Variants in NEDD9 observed in about 807,000 individuals in gnomAD.
NEDD9 encodes the protein neural precursor cell expressed, developmentally down-regulated 9, also known as enhancer of filamentation 1.
In NEDD9, 26 loss-of-function variants were observed where a neutral mutation model predicts 76.6. That is an observed-to-expected ratio of 0.34 (90% CI 0.25 to 0.47). The LOEUF (loss-of-function observed/expected upper bound fraction) is 0.47. Among genes scored for constraint, NEDD9 ranks in the 20% least tolerant of loss-of-function variants. The pLI is 1.00. For synonymous variants in NEDD9, 392 were observed against 414.2 expected (o/e 0.95, Z 0.65); for missense variants, 937 against 1,058.5 (o/e 0.89, Z 1.59).
At chr6:11,352,001 G>A (rs1409947309) in intron 1 of NEDD9, among the ~76,000 whole-genome samples, 2 of 152,218 alleles carry the variant, frequency 1.3e-5, no homozygotes, top group African/African-American at 4.8e-5. Context: ...TGGTCCACAG[G>A]TGCCAGCTTC....
chr6:11,344,285 T>G lies in NEDD9; in HGVS notation c.-213-9724A>C, dbSNP rs1463163097. 4.6e-5 allele frequency among the ~76,000 whole-genome samples: 7 copies of G among 152,172 alleles called. No individual in the cohort carries two copies. The South Asian group carries it at 6.2e-4, about 14-fold the overall frequency. On this transcript the variant is annotated intron_variant, in intron 1 of 3. Transcript: ENST00000397378. Reference sequence around the variant, plus strand: ...CACATAACATCAAATTCCAGAGAGTTAAAAAAATTCACCTGGTCCACTCTG... The same window carrying G: ...CACATAACATCAAATTCCAGAGAGTGAAAAAAATTCACCTGGTCCACTCTG...
At chr6:11,211,692 C>T (rs765960018) in intron 2 of NEDD9, among the ~76,000 whole-genome samples, 3 of 152,214 alleles carry the variant, frequency 2.0e-5, no homozygotes, top group Admixed American at 6.5e-5. Context: ...GCATCGTTGT[C>T]GTGGGCAGTA....
intron 3 of NEDD9, among the ~76,000 whole-genome samples, chr6:11,261,679 ACAAT>A (rs1302425467): frequency 1.3e-5 from 2 of 152,200 alleles, no homozygotes; most frequent in East Asian, 3.8e-4. Flanking sequence ...CTTTATGGGA[ACAAT>A]CAGAGAGATT....
intron 3 of NEDD9, among the ~76,000 whole-genome samples, chr6:11,272,730 G>A (rs761893031): frequency 1.3e-5 from 2 of 152,154 alleles, no homozygotes; most frequent in African/African-American, 2.4e-5. Flanking sequence ...AGCTGCAGAG[G>A]AGTCTCCAAG....
chr6:11,224,964 C>T (rs1759261611), intron 1 of NEDD9, among the ~76,000 whole-genome samples: 1 of 152,200 alleles, frequency 6.6e-6, no homozygotes, highest in Admixed American at 6.5e-5. Flanking sequence ...CTAGGAAAAA[C>T]ATGAATGACA....
chr6:11,302,236 A>G (rs1285695739), intron 3 of NEDD9, among the ~76,000 whole-genome samples: 1 of 152,224 alleles, frequency 6.6e-6, no homozygotes, highest in Non-Finnish European at 1.5e-5. Context: ...TACTATAAAC[A>G]CCTCTATGCA....
chr6:11,367,096 T>TA (rs5874318), intron 1 of NEDD9, among the ~76,000 whole-genome samples: 107,311 of 152,132 alleles, frequency 0.71, 38,573 homozygotes, highest in African/African-American at 0.82. Context: ...AAAGCTCAAT[T>TA]AAAATGGAAA....
intron 2 of NEDD9, among the ~76,000 whole-genome samples, chr6:11,306,421 A>G (rs940941718): frequency 7.2e-5 from 11 of 152,222 alleles, no homozygotes; most frequent in African/African-American, 2.2e-4. Flanking sequence ...AATACAGCAC[A>G]ATAAAATGTT....
At chr6:11,308,894 T>C (rs1318241275) in intron 2 of NEDD9, among the ~76,000 whole-genome samples, 1 of 152,240 alleles carries the variant, frequency 6.6e-6, no homozygotes, top group Non-Finnish European at 1.5e-5. Flanking sequence ...TTTGAAGTGA[T>C]GTCAAAGGAA....
intron 1 of NEDD9, among the ~76,000 whole-genome samples, chr6:11,376,829 A>G (rs1032961909): frequency 3.3e-5 from 5 of 152,232 alleles, no homozygotes. Flanking sequence ...CATTTCAAAA[A>G]TCTTGAGGAC....
chr6:11,223,967 T>C (rs993640393), intron 1 of NEDD9, among the ~76,000 whole-genome samples: 2 of 152,212 alleles, frequency 1.3e-5, no homozygotes, highest in African/African-American at 2.4e-5. Context: ...TGACAGTCTC[T>C]AGAGTGACCA....
At chr6:11,374,070 A>G (rs201831074) in intron 1 of NEDD9, among the ~76,000 whole-genome samples, 1 of 151,624 alleles carries the variant, frequency 6.6e-6, no homozygotes, top group Non-Finnish European at 1.5e-5. Flanking sequence ...CTCTCTCTAT[A>G]TATATATGTA....
At chr6:11,337,871 C>T (rs954994841) in intron 1 of NEDD9, among the ~76,000 whole-genome samples, 23 of 152,230 alleles carry the variant, frequency 1.5e-4, no homozygotes, top group Middle Eastern at 3.4e-3. Context: ...GATGGTAGTG[C>T]GTTAAAAAAT....
chr6:11,262,274 G>A (rs1449820532), intron 3 of NEDD9, among the ~76,000 whole-genome samples: 1 of 152,216 alleles, frequency 6.6e-6, no homozygotes, highest in Non-Finnish European at 1.5e-5. Flanking sequence ...GGCACAAAGA[G>A]CCTTTGCTTT....
chr6:11,267,219 C>T (rs1760216468), intron 3 of NEDD9, among the ~76,000 whole-genome samples: 1 of 152,166 alleles, frequency 6.6e-6, no homozygotes, highest in South Asian at 2.1e-4. Flanking sequence ...TCTGGCAGTG[C>T]TCCCTGCAAA....
At chr6:11,202,371 A>G (rs3756966) in intron 2 of NEDD9, among the ~76,000 whole-genome samples, 41,342 of 152,148 alleles carry the variant, frequency 0.27, 6,723 homozygotes, top group African/African-American at 0.45. Flanking sequence ...CAGAGCTACC[A>G]CAGTATTTAT....
At chr6:11,206,124 A>G (rs77841574) in intron 2 of NEDD9, among the ~76,000 whole-genome samples, 2,203 of 152,226 alleles carry the variant, frequency 0.014, 94 homozygotes, top group East Asian at 0.14. Context: ...TTTTTTAAAG[A>G]TTTGTACAAC....
At chr6:11,255,844 G>A (rs769023274) in intron 3 of NEDD9, among the ~76,000 whole-genome samples, 4 of 152,156 alleles carry the variant, frequency 2.6e-5, no homozygotes, top group Non-Finnish European at 4.4e-5. Flanking sequence ...GGAGGGGAGA[G>A]ATTGGAAGGG....
At chr6:11,272,141 G>C (rs1192201370) in intron 3 of NEDD9, among the ~76,000 whole-genome samples, 2 of 152,160 alleles carry the variant, frequency 1.3e-5, no homozygotes, top group Non-Finnish European at 2.9e-5. Flanking sequence ...TGCTGAGCCT[G>C]GGGACTTGGT....
Sources: allele counts gnomAD v4.1 joint callset (sites outside exome capture counted in the v4.1 genomes callset), GRCh38; gene constraint gnomAD v4.1.1; transcripts MANE v1.5; gene names NCBI Gene and HGNC (gene_info 2026-07-23, HGNC 2026-07-21).